PDGFD: variants seen among roughly 807,000 people sequenced by gnomAD.
The protein encoded by PDGFD is platelet-derived growth factor D.
A neutral mutation model predicts 44.7 loss-of-function variants in PDGFD; 30 were observed. The observed-to-expected ratio is 0.67, with a 90% CI of 0.50 to 0.91. PDGFD has a LOEUF of 0.91. Ranked by LOEUF, PDGFD falls within the 40% of genes least tolerant of loss-of-function variation. The pLI is 0.00. For missense variants in PDGFD, 445 were observed against 457.8 expected (o/e 0.97, Z 0.25); for synonymous variants, 173 against 168.4 (o/e 1.03, Z -0.21).
At chr11:104,093,396 G>A (rs55758065) in intron 1 of PDGFD, among the ~76,000 whole-genome samples, 7,054 of 152,072 alleles carry the variant, frequency 0.046, 207 homozygotes, top group Non-Finnish European at 0.061. Flanking sequence ...CCCCAGCTAC[G>A]TGTTTTCAGA....
intron 1 of PDGFD, among the ~76,000 whole-genome samples, chr11:104,124,625 T>C (rs954984381): frequency 2.6e-5 from 4 of 152,114 alleles, no homozygotes; most frequent in African/African-American, 7.2e-5. Context: ...TGCTTTTTAC[T>C]AGTTTATGGT....
intron 3 of PDGFD, among the ~76,000 whole-genome samples, chr11:103,994,591 T>C (rs931025373): frequency 6.6e-6 from 1 of 151,650 alleles, no homozygotes; most frequent in Non-Finnish European, 1.5e-5. Context: ...AAAAAGCAAG[T>C]TTTTTTTTCT....
intron 6 of PDGFD, among the ~76,000 whole-genome samples, chr11:103,926,660 T>G (rs1271025513): frequency 1.3e-5 from 2 of 152,232 alleles, no homozygotes; most frequent in Non-Finnish European, 2.9e-5. Context: ...TTATATATTC[T>G]AACAATGTTG....
chr11:103,910,084 T>G (rs563122645), intron 6 of PDGFD, among the ~76,000 whole-genome samples: 7 of 119,724 alleles, frequency 5.8e-5, no homozygotes, highest in African/African-American at 2.2e-4. Context: ...TCATGTGTCT[T>G]AGCAGGTATT....
intron 1 of PDGFD, among the ~76,000 whole-genome samples, chr11:104,010,748 G>A (rs867037798): frequency 2.6e-5 from 4 of 151,774 alleles, no homozygotes; most frequent in Non-Finnish European, 5.9e-5. Flanking sequence ...TTTGTGTTGC[G>A]ATATTGCCAC....
At position 103,943,614 on chromosome 11, in the gene PDGFD, T is replaced by A; in HGVS notation, c.610A>T (p.Thr204Ser). The change falls in exon 5 of 7, where the codon ACT (threonine) becomes TCT (serine). Residue 204 changes from threonine to serine, a missense_variant. Transcript: ENST00000393158. ...SYNSPSVTDP[T>S]LIADALDKKI... ...TTGTCCAGAGCATCCGCAATCAGAG[T>A]GGGATCCGTTACTGATGGAGAGTTA... 2.5e-6 allele frequency: 4 copies of A among 1,613,068 alleles called. No individual in the cohort carries two copies. Among genetic ancestry groups the A allele is most frequent in the Non-Finnish European group, 3.4e-6 (4 of 1,179,452 alleles).
intron 1 of PDGFD, among the ~76,000 whole-genome samples, chr11:104,041,533 TA>T (rs1490961617): frequency 2.0e-5 from 3 of 152,084 alleles, no homozygotes. Flanking sequence ...TTTTTCCTAC[TA>T]AAAATGAGGA....
intron 1 of PDGFD, among the ~76,000 whole-genome samples, chr11:104,070,811 C>A (rs1860862291): frequency 6.6e-6 from 1 of 152,112 alleles, no homozygotes; most frequent in Non-Finnish European, 1.5e-5. Flanking sequence ...CATTTTAGAT[C>A]TTGCCAATGT....
At chr11:103,914,782 G>A (rs1442839629) in intron 6 of PDGFD, among the ~76,000 whole-genome samples, 2 of 152,116 alleles carry the variant, frequency 1.3e-5, no homozygotes, top group Non-Finnish European at 2.9e-5. Flanking sequence ...GGGATGCAAG[G>A]CTGGTTCAAA....
At chr11:103,949,827 A>T (rs373842956) in intron 3 of PDGFD, among the ~76,000 whole-genome samples, 2 of 152,188 alleles carry the variant, frequency 1.3e-5, no homozygotes, top group South Asian at 2.1e-4. Flanking sequence ...GGCTTGAAAA[A>T]ATTTCACATA....
intron 1 of PDGFD, chr11:104,038,242 G>T: frequency 2.0e-6 from 1 of 498,236 alleles, no homozygotes; most frequent in South Asian, 3.8e-5. Flanking sequence ...GGAAGGCTCT[G>T]GAGGCTCCAG....
intron 1 of PDGFD, among the ~76,000 whole-genome samples, chr11:104,160,810 A>G (rs1862377026): frequency 6.6e-6 from 1 of 152,170 alleles, no homozygotes; most frequent in South Asian, 2.1e-4. Context: ...ATACCCTATG[A>G]TGGAGAGTTC....
At chr11:104,102,635 T>C (rs1430849711) in intron 1 of PDGFD, among the ~76,000 whole-genome samples, 2 of 152,180 alleles carry the variant, frequency 1.3e-5, no homozygotes, top group Non-Finnish European at 2.9e-5. Context: ...ACACGTATGT[T>C]TATTGCAGCA....
At chr11:104,057,179 A>C in intron 1 of PDGFD, among the ~76,000 whole-genome samples, 1 of 152,216 alleles carries the variant, frequency 6.6e-6, no homozygotes. Flanking sequence ...TGAGTTTGAC[A>C]AAATATGTGG....
rs565414066 is a variant in PDGFD at position 104,134,265 on chromosome 11, T to C, written c.124+29539A>G. On this transcript the variant is annotated intron_variant, in intron 1 of 6. Transcript: ENST00000393158. Reference sequence around the variant, plus strand: ...CATAACTGCTGAAAACTCAGCAGTATTAATGGAATACTCACATTAAACACT... The same window carrying C: ...CATAACTGCTGAAAACTCAGCAGTACTAATGGAATACTCACATTAAACACT... 2.0e-5 allele frequency among the ~76,000 whole-genome samples: 3 copies of C among 151,990 alleles called. No homozygotes were observed. In the East Asian group the frequency reaches 5.8e-4, roughly 30 times the overall value.
chr11:103,984,401 G>A (rs1859321536), intron 3 of PDGFD, among the ~76,000 whole-genome samples: 1 of 151,578 alleles, frequency 6.6e-6, no homozygotes, highest in African/African-American at 2.4e-5. Context: ...ACACACTGGG[G>A]CCTTTCAAAG....
chr11:103,908,344 A>G lies in PDGFD; in HGVS notation c.*1350T>C, dbSNP rs2134295145. On this transcript the variant is annotated 3_prime_UTR_variant, in exon 7 of 7. Coordinates refer to ENST00000393158, the MANE Select transcript of PDGFD (RefSeq NM_025208.5). ...TACTCTAAATACCATTAACCAATGT[A>G]AAACAGTTTTCTATTAAACAGTAGG... 6.6e-6 allele frequency: 1 copy of G among 152,230 alleles called. No homozygotes were observed. The highest frequency in any genetic ancestry group is 2.4e-5 in the African/African-American group (1 of 41,486). The allele number at this position is 152,230 out of a possible 1,614,324, so 9.4% of individuals were successfully genotyped here.
chr11:104,101,080 T>C (rs559304960), intron 1 of PDGFD, among the ~76,000 whole-genome samples: 13 of 152,156 alleles, frequency 8.5e-5, no homozygotes, highest in African/African-American at 2.4e-4. Flanking sequence ...CTATTCAACA[T>C]AGTGTTGGAA....
intron 1 of PDGFD, among the ~76,000 whole-genome samples, chr11:104,061,774 A>C (rs1415116906): frequency 6.6e-6 from 1 of 151,888 alleles, no homozygotes; most frequent in East Asian, 1.9e-4. Context: ...TGCCTGACTA[A>C]TTTTTTTATT....
Sources: allele counts gnomAD v4.1 joint callset (sites outside exome capture counted in the v4.1 genomes callset), GRCh38; gene constraint gnomAD v4.1.1; transcripts MANE v1.5; gene names NCBI Gene and HGNC (gene_info 2026-07-23, HGNC 2026-07-21).